NDUFS4: variants seen among roughly 807,000 people sequenced by gnomAD.
NDUFS4 encodes the protein NADH dehydrogenase [ubiquinone] iron-sulfur protein 4, mitochondrial.
NDUFS4 carries 28 observed loss-of-function variants against 24.3 expected under a neutral mutation model. The observed-to-expected ratio is 1.15, with a 90% CI of 0.85 to 1.58. The LOEUF is 1.58. NDUFS4 is among the 40% of genes most tolerant of loss of function. The pLI, the probability that NDUFS4 is intolerant of heterozygous loss-of-function variation, is 0.00. For missense variants in NDUFS4, 223 were observed against 207.9 expected, an observed-to-expected ratio of 1.07 and a Z score of -0.45; for synonymous variants, 93 against 69.7, an observed-to-expected ratio of 1.34 and a Z score of -1.67.
intron 1 of NDUFS4, among the ~76,000 whole-genome samples, chr5:53,584,414 GGC>G (rs1192073952): frequency 1.3e-5 from 2 of 151,964 alleles, no homozygotes; most frequent in Non-Finnish European, 2.9e-5. Flanking sequence ...GGAGTGCAAT[GGC>G]GCGATCTCAG....
At chr5:53,591,192 G>A (rs1454296674) in intron 1 of NDUFS4, among the ~76,000 whole-genome samples, 2 of 152,062 alleles carry the variant, frequency 1.3e-5, no homozygotes, top group African/African-American at 4.8e-5. Flanking sequence ...TGGACAGTAG[G>A]GTTGCTTCTG....
At chr5:53,599,713 T>A (rs545805968) in intron 1 of NDUFS4, among the ~76,000 whole-genome samples, 1 of 152,282 alleles carries the variant, frequency 6.6e-6, no homozygotes, top group Admixed American at 6.5e-5. Flanking sequence ...TTTGTATTAT[T>A]TTCTTCTTGT....
At chr5:53,675,453 C>G (rs541399042) in intron 4 of NDUFS4, among the ~76,000 whole-genome samples, 1 of 152,236 alleles carries the variant, frequency 6.6e-6, no homozygotes, top group African/African-American at 2.4e-5. Flanking sequence ...TGAGCCACCA[C>G]GCCAGGCCCA....
At chr5:53,571,228 T>A (rs1383768724) in intron 1 of NDUFS4, among the ~76,000 whole-genome samples, 2 of 152,224 alleles carry the variant, frequency 1.3e-5, no homozygotes, top group Non-Finnish European at 2.9e-5. Flanking sequence ...AGATAACGAC[T>A]AACCTTCTTT....
At chr5:53,606,761 C>G (rs1288006973) in intron 2 of NDUFS4, among the ~76,000 whole-genome samples, 1 of 152,236 alleles carries the variant, frequency 6.6e-6, no homozygotes, top group African/African-American at 2.4e-5. Flanking sequence ...ACCTAATCAC[C>G]TCACATCCGT....
intron 4 of NDUFS4, among the ~76,000 whole-genome samples, chr5:53,678,405 A>G (rs978608299): frequency 6.6e-6 from 1 of 151,846 alleles, no homozygotes; most frequent in Admixed American, 6.6e-5. Context: ...CCATATGGCT[A>G]CTCTCCTCTA....
At chr5:53,678,518 G>A (rs752289787) in intron 4 of NDUFS4, among the ~76,000 whole-genome samples, 10 of 152,096 alleles carry the variant, frequency 6.6e-5, no homozygotes, top group Non-Finnish European at 1.5e-5. Flanking sequence ...AGAGCAAGGG[G>A]CTGGTTTTCA....
intron 3 of NDUFS4, among the ~76,000 whole-genome samples, chr5:53,648,025 A>G (rs879847464): frequency 8.5e-5 from 13 of 152,178 alleles, no homozygotes; most frequent in Admixed American, 7.2e-4. Flanking sequence ...CAGATCTACA[A>G]ATTTGTTATA....
At chr5:53,621,705 T>A (rs1397914991) in intron 2 of NDUFS4, among the ~76,000 whole-genome samples, 1 of 138,086 alleles carries the variant, frequency 7.2e-6, no homozygotes, top group East Asian at 2.1e-4. Flanking sequence ...TTTTTTTTTT[T>A]TTTTTTTTTT....
intron 4 of NDUFS4, among the ~76,000 whole-genome samples, chr5:53,662,127 G>A (rs1042290106): frequency 2.0e-5 from 3 of 152,192 alleles, no homozygotes; most frequent in Non-Finnish European, 2.9e-5. Context: ...GATATTGGCT[G>A]TGGGTTTGTC....
intron 2 of NDUFS4, among the ~76,000 whole-genome samples, chr5:53,609,131 TTC>T (rs1750618954): frequency 6.6e-6 from 1 of 152,240 alleles, no homozygotes; most frequent in South Asian, 2.1e-4. Flanking sequence ...GTCACAAATG[TTC>T]TTAGTGGCAT....
chr5:53,646,280 A>G lies in NDUFS4; in HGVS notation c.225A>G (p.Arg75=), dbSNP rs749840636. 2 of 1,613,442 alleles carry G rather than the reference A, an allele frequency of 1.2e-6. No individual in the cohort carries two copies. The highest frequency in any genetic ancestry group is 1.1e-5 in the South Asian group (1 of 91,058). ...TTCCAGAAGAGCATATAAAAACTAG[A>G]AAAGTCAGGATCTTTGTTCCTGCTC... The part of the protein sequence containing the change: ...TGVPEEHIKT[R]KVRIFVPARN... Residue 75 remains arginine, a synonymous_variant, in exon 3 of 5, where the codon AGA becomes AGG. Coordinates refer to ENST00000296684, the MANE Select transcript of NDUFS4 (RefSeq NM_002495.4).
intron 2 of NDUFS4, among the ~76,000 whole-genome samples, chr5:53,637,213 A>G (rs1385521892): frequency 6.6e-6 from 1 of 151,916 alleles, no homozygotes; most frequent in Non-Finnish European, 1.5e-5. Context: ...GAGGTCCCCA[A>G]GTATCCTGAG....
intron 2 of NDUFS4, among the ~76,000 whole-genome samples, chr5:53,643,415 A>T (rs1166685270): frequency 6.6e-6 from 1 of 152,158 alleles, no homozygotes; most frequent in Admixed American, 6.6e-5. Context: ...TGCGGATTTT[A>T]AATTTTTTTG....
intron 1 of NDUFS4, among the ~76,000 whole-genome samples, chr5:53,585,197 A>G (rs1171712756): frequency 2.0e-5 from 3 of 152,188 alleles, no homozygotes; most frequent in African/African-American, 7.2e-5. Context: ...TTAAAAGCAA[A>G]TTGCCTATAT....
intron 1 of NDUFS4, among the ~76,000 whole-genome samples, chr5:53,596,155 G>A (rs549800121): frequency 6.6e-6 from 1 of 152,088 alleles, no homozygotes; most frequent in Admixed American, 6.5e-5. Context: ...CTTAGGCTGG[G>A]CTCGGTGTCT....
At chr5:53,656,727 A>C in intron 3 of NDUFS4, among the ~76,000 whole-genome samples, 1 of 152,204 alleles carries the variant, frequency 6.6e-6, no homozygotes, top group East Asian at 1.9e-4. Flanking sequence ...GACAGTGAAA[A>C]CTGTTTGAAA....
At chr5:53,680,196 TA>T (rs1192610484) in intron 4 of NDUFS4, among the ~76,000 whole-genome samples, 7 of 152,126 alleles carry the variant, frequency 4.6e-5, no homozygotes, top group Admixed American at 3.9e-4. Context: ...AATGTAAAAT[TA>T]AGATATATAT....
intron 4 of NDUFS4, 78 bp from the exon 5 acceptor site, chr5:53,683,036 AAGCT>A: frequency 1.1e-6 from 1 of 900,580 alleles, no homozygotes; most frequent in South Asian, 1.3e-5. Flanking sequence ...TAAGTTATAA[AAGCT>A]AGCCTCTGCT....
Sources: gnomAD v4.1 joint callset for allele counts (sites outside exome capture counted in the v4.1 genomes callset) on GRCh38, gnomAD v4.1.1 for gene constraint, MANE v1.5 for transcripts, NCBI Gene and HGNC (gene_info 2026-07-23, HGNC 2026-07-21) for gene names.